The following BMP1 variants were observed in gnomAD, a reference collection of about 807,000 sequenced individuals.
BMP1 encodes the protein mammalian tolloid protein.
Under a neutral mutation model 116.8 loss-of-function variants are expected in BMP1, and 63 were observed. The observed-to-expected ratio is 0.54, with a 90% CI of 0.44 to 0.67. The LOEUF is 0.67. Ranked by LOEUF, BMP1 falls within the 30% of genes least tolerant of loss-of-function variation. BMP1 has a pLI of 0.00. For missense variants in BMP1, 1,183 were observed against 1,358.9 expected, an observed-to-expected ratio of 0.87 and a Z score of 2.04; for synonymous variants, 536 against 533.4, an observed-to-expected ratio of 1.00 and a Z score of -0.07.
intron 1 of BMP1, among the ~76,000 whole-genome samples, chr8:22,165,882 C>CTGTGT (rs1554477755): frequency 3.0e-5 from 4 of 131,314 alleles, no homozygotes; most frequent in African/African-American, 1.2e-4. Flanking sequence ...CCTGTGCGTG[C>CTGTGT]GTGTGTGTGT....
chr8:22,197,076 C>T (rs528862846), intron 14 of BMP1, among the ~76,000 whole-genome samples, 164 bp from the exon 15 acceptor site: 1 of 152,262 alleles, frequency 6.6e-6, no homozygotes, highest in South Asian at 2.1e-4. Context: ...GCGTGTGGAG[C>T]AAGGGAAGGC....
chr8:22,185,687 T>C (rs1197691877), intron 8 of BMP1, among the ~76,000 whole-genome samples: 2 of 151,736 alleles, frequency 1.3e-5, no homozygotes, highest in Non-Finnish European at 2.9e-5. Flanking sequence ...AGTGGCACGA[T>C]CTCAGCTCAC....
At chr8:22,168,166 G>T (rs1453371706) in intron 1 of BMP1, among the ~76,000 whole-genome samples, 7 of 152,132 alleles carry the variant, frequency 4.6e-5, no homozygotes, top group Non-Finnish European at 1.5e-5. Context: ...CCCTGGAGAG[G>T]TTCCTGGACC....
intron 18 of BMP1, among the ~76,000 whole-genome samples, chr8:22,207,878 A>AT (rs1829393642): frequency 6.7e-6 from 1 of 148,970 alleles, no homozygotes; most frequent in African/African-American, 2.6e-5. Flanking sequence ...TTTTATTTTT[A>AT]TTTTTATTTA....
At position 22,167,594 on chromosome 8, in the gene BMP1, C is replaced by G. The variant is rs188873058; in HGVS notation, c.148+2041C>G. ...GCAGCAAGAGGCTGAGGGCTCTCCCCCCAGTCTCAGGTTTCATGCTAGGGT... is the reference window on the plus strand; with the variant it reads ...GCAGCAAGAGGCTGAGGGCTCTCCCGCCAGTCTCAGGTTTCATGCTAGGGT... On this transcript the variant is annotated intron_variant, in intron 1 of 19. Coordinates refer to ENST00000306385, the MANE Select transcript of BMP1 (RefSeq NM_006129.5). 1.0e-2 allele frequency among the ~76,000 whole-genome samples: 1,520 copies of G among 152,280 alleles called. 23 individuals are homozygous for G. The highest frequency in any genetic ancestry group is 0.016 in the Non-Finnish European group (1,113 of 68,012).
intron 15 of BMP1, among the ~76,000 whole-genome samples, chr8:22,199,891 G>A (rs1341521253): frequency 1.3e-5 from 2 of 152,138 alleles, no homozygotes; most frequent in Admixed American, 6.5e-5. Context: ...GGTTCCCATG[G>A]CCCCTAGGGG....
At chr8:22,196,280 G>T in intron 13 of BMP1, 1 of 544,212 alleles carries the variant, frequency 1.8e-6, no homozygotes, top group South Asian at 1.4e-5. Context: ...GCACTCCGAG[G>T]CTAATGGCTC....
intron 15 of BMP1, chr8:22,201,077 C>T (rs1221133814): frequency 1.3e-6 from 2 of 1,586,810 alleles, no homozygotes; most frequent in South Asian, 1.1e-5. Context: ...CCCTCCACCC[C>T]CACCCCTTGG....
At chr8:22,176,363 C>G in intron 3 of BMP1, 50 bp downstream of exon 3, 1 of 1,565,922 alleles carries the variant, frequency 6.4e-7, no homozygotes, top group Non-Finnish European at 8.7e-7. Flanking sequence ...CCGGGCCTGG[C>G]CTTGTGGCAG....
intron 15 of BMP1, chr8:22,201,557 C>A (rs1294068409): frequency 2.8e-6 from 4 of 1,412,532 alleles, no homozygotes; most frequent in South Asian, 1.5e-5. Flanking sequence ...CCATGCTGGT[C>A]CGCTCGGACC....
rs374657804 is a variant in BMP1 at position 22,171,758 on chromosome 8, A to G, written c.149-1844A>G. ...TTTTGGGACCTCAGTTTCCTCATCTATAAAATGGAAGTTTGGCCTCGATGA... is the reference window on the plus strand; with the variant it reads ...TTTTGGGACCTCAGTTTCCTCATCTGTAAAATGGAAGTTTGGCCTCGATGA... On this transcript the variant is annotated intron_variant, in intron 1 of 19. Coordinates refer to ENST00000306385, the MANE Select transcript of BMP1 (RefSeq NM_006129.5). 16 of 152,302 alleles carry G rather than the reference A, an allele frequency of 1.1e-4. No homozygotes were observed. In the South Asian group the frequency reaches 1.7e-3, roughly 16 times the overall value. 9.4% of individuals were successfully genotyped at this position (152,302 alleles called of 1,614,324 possible).
intron 8 of BMP1, among the ~76,000 whole-genome samples, chr8:22,181,386 T>C (rs1234924399): frequency 6.6e-6 from 1 of 152,134 alleles, no homozygotes; most frequent in Non-Finnish European, 1.5e-5. Flanking sequence ...CCTTCCCTGC[T>C]CGTTACTAAT....
At chr8:22,195,323 G>T in intron 12 of BMP1, 139 bp from the exon 13 acceptor site, 3 of 1,064,504 alleles carry the variant, frequency 2.8e-6, no homozygotes, top group Non-Finnish European at 4.0e-6. Flanking sequence ...CAGTCCATGT[G>T]CTCTGAAGGA....
At chr8:22,185,531 G>T (rs1012712869) in intron 8 of BMP1, among the ~76,000 whole-genome samples, 2 of 152,066 alleles carry the variant, frequency 1.3e-5, no homozygotes, top group Non-Finnish European at 2.9e-5. Context: ...TTGCAGAGGA[G>T]CCAAGAAGAT....
intron 1 of BMP1, chr8:22,169,689 C>G (rs1445413818): frequency 1.3e-5 from 2 of 152,274 alleles, no homozygotes; most frequent in African/African-American, 4.8e-5. Flanking sequence ...GGACATGCAT[C>G]AGTCCTGCAC....
intron 8 of BMP1, among the ~76,000 whole-genome samples, chr8:22,187,497 AT>A (rs768807192): frequency 0.026 from 2,679 of 104,442 alleles, 24 homozygotes; most frequent in African/African-American, 0.078. Context: ...CGCCCGGCTA[AT>A]TTTTTTTTTT....
intron 19 of BMP1, among the ~76,000 whole-genome samples, chr8:22,210,604 G>T (rs1829447239): frequency 6.6e-6 from 1 of 152,276 alleles, no homozygotes; most frequent in Admixed American, 6.5e-5. Flanking sequence ...AAGGGTTAAA[G>T]CTCCTGGAAG....
intron 16 of BMP1, among the ~76,000 whole-genome samples, chr8:22,206,503 A>G (rs1380018601): frequency 7.0e-6 from 1 of 143,676 alleles, no homozygotes; most frequent in Non-Finnish European, 1.5e-5. Flanking sequence ...CTCCATCTCA[A>G]AAAAAAAAAA....
intron 15 of BMP1, 32 bp downstream of exon 15, chr8:22,197,452 C>G: frequency 6.3e-7 from 1 of 1,578,192 alleles, no homozygotes; most frequent in Non-Finnish European, 8.7e-7. Flanking sequence ...CCTAGCCCCA[C>G]CTCTCCTCGG....
Sources: gnomAD v4.1 joint callset for allele counts (sites outside exome capture counted in the v4.1 genomes callset) on GRCh38, gnomAD v4.1.1 for gene constraint, MANE v1.5 for transcripts, NCBI Gene and HGNC (gene_info 2026-07-23, HGNC 2026-07-21) for gene names.